Variants in DLG2 observed in about 807,000 individuals in gnomAD.
DLG2 encodes the protein discs large MAGUK scaffold protein 2, also known as disks large homolog 2.
Under a neutral mutation model 132.5 loss-of-function variants are expected in DLG2, and 45 were observed. That is an observed-to-expected ratio of 0.34 (90% confidence interval 0.27 to 0.44). DLG2 has a LOEUF of 0.44. Ranked by LOEUF, DLG2 falls within the 20% of genes least tolerant of loss-of-function variation. DLG2 has a pLI of 1.00. For synonymous variants in DLG2, 424 were observed against 419.6 expected (o/e 1.01, Z -0.13); for missense variants, 1,045 against 1,196.9 (o/e 0.87, Z 1.87).
intron 3 of DLG2, among the ~76,000 whole-genome samples, chr11:85,553,171 A>G (rs1265130653): frequency 1.3e-5 from 2 of 151,718 alleles, no homozygotes; most frequent in East Asian, 1.9e-4. Context: ...TCTTGCCTTC[A>G]TGGAGATTAC....
chr11:83,576,645 C>T (rs2096878379), intron 19 of DLG2, among the ~76,000 whole-genome samples: 1 of 152,130 alleles, frequency 6.6e-6, no homozygotes, highest in Non-Finnish European at 1.5e-5. Context: ...AAGTTACCTG[C>T]ACTGTAAGGG....
chr11:84,744,691 A>G (rs2065126062), intron 6 of DLG2, among the ~76,000 whole-genome samples: 2 of 152,184 alleles, frequency 1.3e-5, no homozygotes, highest in Non-Finnish European at 2.9e-5. Context: ...CAACTAATAA[A>G]AAAGGTACAT....
intron 6 of DLG2, among the ~76,000 whole-genome samples, chr11:85,055,133 ATTTG>A (rs1358806135): frequency 5.9e-5 from 9 of 152,312 alleles, no homozygotes; most frequent in Admixed American, 5.9e-4. Context: ...CTTCAGACAA[ATTTG>A]TCAAATAAAG....
intron 3 of DLG2, among the ~76,000 whole-genome samples, chr11:85,323,783 C>T (rs1025834465): frequency 4.6e-5 from 7 of 152,348 alleles, no homozygotes; most frequent in South Asian, 2.1e-4. Flanking sequence ...ACTTCTTTCA[C>T]TTAACATAAT....
At chr11:85,251,887 C>G (rs1030410400) in intron 4 of DLG2, among the ~76,000 whole-genome samples, 26 of 152,090 alleles carry the variant, frequency 1.7e-4, no homozygotes, top group Non-Finnish European at 3.2e-4. Flanking sequence ...TAAATATTCA[C>G]TTTTTAACCT....
At chr11:85,338,472 G>A (rs2082273903) in intron 3 of DLG2, among the ~76,000 whole-genome samples, 1 of 151,842 alleles carries the variant, frequency 6.6e-6, no homozygotes, top group South Asian at 2.1e-4. Flanking sequence ...AATACAATTA[G>A]GTTCATTTCT....
intron 6 of DLG2, among the ~76,000 whole-genome samples, chr11:85,018,653 A>T (rs562530185): frequency 6.6e-6 from 1 of 152,278 alleles, no homozygotes; most frequent in African/African-American, 2.4e-5. Flanking sequence ...TAACTTTGGG[A>T]GGGACTTTAA....
At chr11:84,161,301 T>A (rs2095541742) in intron 9 of DLG2, among the ~76,000 whole-genome samples, 1 of 151,892 alleles carries the variant, frequency 6.6e-6, no homozygotes, top group South Asian at 2.1e-4. Flanking sequence ...TAAAGAAAGG[T>A]GAAAGCTGGG....
chr11:84,351,063 G>A (rs543418109), intron 7 of DLG2, among the ~76,000 whole-genome samples: 2 of 152,204 alleles, frequency 1.3e-5, no homozygotes, highest in South Asian at 4.1e-4. Context: ...AACTTTAGAT[G>A]TGAGGACAAA....
chr11:83,896,706 G>T (rs192712337), intron 15 of DLG2, among the ~76,000 whole-genome samples: 18 of 152,256 alleles, frequency 1.2e-4, no homozygotes, highest in African/African-American at 4.1e-4. Context: ...GAGATTAATT[G>T]TAAGTGGGCA....
At chr11:85,145,085 G>C (rs924282991) in intron 5 of DLG2, among the ~76,000 whole-genome samples, 4 of 151,822 alleles carry the variant, frequency 2.6e-5, no homozygotes, top group Admixed American at 1.3e-4. Context: ...ATTTTCCCTG[G>C]ATATGCTATT....
rs1316536755 is a variant in DLG2, at chr11:83,997,772, G to A, written c.920-17130C>T. On this transcript the variant is annotated intron_variant, in intron 11 of 27. Transcript: ENST00000376104. ...AAAAAAAAAAAAAAAAAAAAAAGGTGTGCCAAATAGTCCCTCATACAAACA... is the reference window on the plus strand; with the variant it reads ...AAAAAAAAAAAAAAAAAAAAAAGGTATGCCAAATAGTCCCTCATACAAACA... 5.9e-5 allele frequency among the ~76,000 whole-genome samples: 6 copies of A among 101,020 alleles called. No individual in the cohort carries two copies. The Admixed American group carries it at 6.7e-4, about 11-fold the overall frequency. The allele number at this position is 101,020 out of a possible 152,430, so 66.3% of individuals were successfully genotyped here.
chr11:84,670,909 T>G (rs2099705146), intron 6 of DLG2, among the ~76,000 whole-genome samples: 1 of 152,124 alleles, frequency 6.6e-6, no homozygotes, highest in Admixed American at 6.5e-5. Flanking sequence ...AGTAGATACC[T>G]TTTTGTACTT....
intron 6 of DLG2, among the ~76,000 whole-genome samples, chr11:84,714,609 C>CT (rs1565750152): frequency 2.7e-5 from 3 of 112,590 alleles, no homozygotes; most frequent in African/African-American, 1.1e-4. Context: ...TTCTCTTTCT[C>CT]TTTCTCTTTC....
intron 6 of DLG2, among the ~76,000 whole-genome samples, chr11:84,711,752 G>C (rs2153772751): frequency 6.6e-6 from 1 of 152,068 alleles, no homozygotes; most frequent in East Asian, 1.9e-4. Flanking sequence ...CATTAGGGAG[G>C]ACAATCTGCT....
At chr11:84,572,623 C>T (rs148336730) in intron 6 of DLG2, among the ~76,000 whole-genome samples, 2 of 152,188 alleles carry the variant, frequency 1.3e-5, no homozygotes, top group Non-Finnish European at 2.9e-5. Context: ...TCACTAGGGG[C>T]CCTAAAAGAT....
At chr11:84,699,076 A>G (rs982167798) in intron 6 of DLG2, among the ~76,000 whole-genome samples, 1 of 151,376 alleles carries the variant, frequency 6.6e-6, no homozygotes. Flanking sequence ...TTTCCTTCCA[A>G]TGTCTTTGCC....
intron 16 of DLG2, among the ~76,000 whole-genome samples, chr11:83,861,116 G>T (rs558708536): frequency 6.6e-6 from 1 of 152,234 alleles, no homozygotes; most frequent in South Asian, 2.1e-4. Context: ...TCGGTATCAG[G>T]TATATGAAAA....
chr11:84,384,296 T>C (rs564881318), intron 7 of DLG2, among the ~76,000 whole-genome samples: 1 of 152,060 alleles, frequency 6.6e-6, no homozygotes, highest in South Asian at 2.1e-4. Flanking sequence ...TATTATATAC[T>C]TGGTGCTGAA....
Sources: allele counts gnomAD v4.1 joint callset (sites outside exome capture counted in the v4.1 genomes callset), GRCh38; gene constraint gnomAD v4.1.1; transcripts MANE v1.5; gene names NCBI Gene and HGNC (gene_info 2026-07-23, HGNC 2026-07-21).